Variants in ADAMTS3 observed in about 807,000 individuals in gnomAD.
ADAMTS3 encodes A disintegrin and metalloproteinase with thrombospondin motifs 3.
In ADAMTS3, 73 loss-of-function variants were observed where a neutral mutation model predicts 129.0. That is an observed-to-expected ratio of 0.57 (90% confidence interval 0.47 to 0.69). ADAMTS3 has a LOEUF of 0.69. Ranked by LOEUF, ADAMTS3 falls within the 30% of genes least tolerant of loss-of-function variation. ADAMTS3 has a pLI of 0.00. For missense variants in ADAMTS3, 1,457 were observed against 1,514.5 expected, an observed-to-expected ratio of 0.96 and a Z score of 0.63; for synonymous variants, 477 against 510.8, an observed-to-expected ratio of 0.93 and a Z score of 0.89.
At chr4:72,491,182 T>C (rs1719734051) in intron 3 of ADAMTS3, among the ~76,000 whole-genome samples, 1 of 151,850 alleles carries the variant, frequency 6.6e-6, no homozygotes. Context: ...TATGCAACCT[T>C]ACTGAATTCA....
intron 4 of ADAMTS3, among the ~76,000 whole-genome samples, chr4:72,349,457 C>T (rs1720370185): frequency 6.6e-6 from 1 of 151,984 alleles, no homozygotes; most frequent in African/African-American, 2.4e-5. Context: ...ATATAAAAGT[C>T]TAGTAACTTA....
chr4:72,438,974 A>G (rs1458068803), intron 3 of ADAMTS3, among the ~76,000 whole-genome samples: 1 of 151,776 alleles, frequency 6.6e-6, no homozygotes, highest in African/African-American at 2.4e-5. Context: ...CTGGCTACAT[A>G]GGTATCTATT....
In ADAMTS3 at chr4:72,313,661, A is replaced by T. The variant is rs752836272; in HGVS notation, c.1745+16T>A. The stretch of plus-strand genomic sequence containing the variant: ...GGTCTCTCCAAAAATAACAAGAGTT[A>T]CAAGGATATACTCACATGGGATTAT... On this transcript the variant is annotated intron_variant, in intron 12 of 21. Coordinates refer to ENST00000286657, the MANE Select transcript of ADAMTS3 (RefSeq NM_014243.3). 9.3e-6 allele frequency: 15 copies of T among 1,612,026 alleles called. No individual in the cohort carries two copies. In the South Asian group the frequency reaches 1.5e-4, roughly 17 times the overall value.
At chr4:72,285,870 G>C (rs549985028) in intron 21 of ADAMTS3, among the ~76,000 whole-genome samples, 1 of 151,554 alleles carries the variant, frequency 6.6e-6, no homozygotes, top group Non-Finnish European at 1.5e-5. Flanking sequence ...CAGACTTCTC[G>C]TTCCACCCCC....
chr4:72,520,909 T>A (rs1720652980), intron 3 of ADAMTS3, among the ~76,000 whole-genome samples: 1 of 152,064 alleles, frequency 6.6e-6, no homozygotes, highest in Admixed American at 6.5e-5. Context: ...CAGATGGAAA[T>A]GCAGAAATCA....
Position 72,283,836 on chromosome 4 carries a change from G to A in ADAMTS3, c.3050-132C>T, listed in dbSNP as rs145799849. 1.8e-3 allele frequency: 1,178 copies of A among 667,368 alleles called. 11 individuals are homozygous for A. The African/African-American group carries it at 0.019, about 11-fold the overall frequency. The allele number at this position is 667,368 out of a possible 1,614,324, so 41.3% of individuals were successfully genotyped here. A position where few individuals can be genotyped will look rare whatever the true frequency, so the allele number is the denominator to read the frequency against. On this transcript the variant is annotated intron_variant, in intron 21 of 21. Transcript: ENST00000286657. ...TGACACTAACGGGAGTGATCCACAC[G>A]AGCTTTTGCATTAAAAATATGAATA...
intron 4 of ADAMTS3, among the ~76,000 whole-genome samples, chr4:72,380,490 C>T (rs1578629964): frequency 6.6e-6 from 1 of 152,132 alleles, no homozygotes; most frequent in Admixed American, 6.5e-5. Flanking sequence ...ATTATGGCTG[C>T]AGTTTCAGAT....
At chr4:72,298,466 T>C (rs1050663908) in intron 17 of ADAMTS3, 24 bp from the exon 18 acceptor site, 38 of 1,543,036 alleles carry the variant, frequency 2.5e-5, no homozygotes, top group Non-Finnish European at 3.2e-5. Flanking sequence ...GAAATCAATA[T>C]GTAAATCACC....
intron 4 of ADAMTS3, among the ~76,000 whole-genome samples, chr4:72,354,511 T>G (rs1435097249): frequency 6.6e-6 from 1 of 152,032 alleles, no homozygotes; most frequent in Non-Finnish European, 1.5e-5. Flanking sequence ...TGCAAGATCT[T>G]GTTCTCGCCT....
At chr4:72,431,858 A>G (rs1381402024) in intron 3 of ADAMTS3, among the ~76,000 whole-genome samples, 1 of 152,028 alleles carries the variant, frequency 6.6e-6, no homozygotes, top group Non-Finnish European at 1.5e-5. Context: ...GAGCCCACGA[A>G]AAAATAGTAA....
chr4:72,345,975 G>A (rs902952548), intron 4 of ADAMTS3, among the ~76,000 whole-genome samples: 2 of 152,070 alleles, frequency 1.3e-5, no homozygotes, highest in Non-Finnish European at 2.9e-5. Context: ...ACTAGTTCAC[G>A]TAACAAGAGT....
At chr4:72,499,043 C>G (rs1234047768) in intron 3 of ADAMTS3, among the ~76,000 whole-genome samples, 4 of 152,078 alleles carry the variant, frequency 2.6e-5, no homozygotes, top group Admixed American at 2.0e-4. Flanking sequence ...CCTACAAGAC[C>G]TACCAAATTC....
Position 72,315,636 on chromosome 4 carries a change from G to T in ADAMTS3, c.1599+222C>A, listed in dbSNP as rs113322960. Reference sequence around the variant, plus strand: ...GACTTCTGGCCTCTAGAACTGTGAGGGAATAAATATCCATTGTTTCAAGCC... The same window carrying T: ...GACTTCTGGCCTCTAGAACTGTGAGTGAATAAATATCCATTGTTTCAAGCC... On this transcript the variant is annotated intron_variant, in intron 11 of 21. Coordinates refer to ENST00000286657, the MANE Select transcript of ADAMTS3 (RefSeq NM_014243.3). Among the ~76,000 whole-genome samples, 28 of 152,124 alleles carry T rather than the reference G, an allele frequency of 1.8e-4. 1 individual carries two copies. Among genetic ancestry groups the T allele is most frequent in the African/African-American group, 6.0e-4 (25 of 41,506 alleles).
intron 3 of ADAMTS3, among the ~76,000 whole-genome samples, chr4:72,505,956 CAA>C (rs892965577): frequency 4.1e-4 from 62 of 152,252 alleles, no homozygotes; most frequent in African/African-American, 1.3e-3. Context: ...CATCTCTGAA[CAA>C]AAAGAGTGGG....
At chr4:72,536,208 A>C (rs2109771347) in intron 3 of ADAMTS3, among the ~76,000 whole-genome samples, 1 of 152,316 alleles carries the variant, frequency 6.6e-6, no homozygotes, top group East Asian at 1.9e-4. Context: ...TATATGGTAG[A>C]GTTATATATA....
chr4:72,473,447 C>T (rs1719135564), intron 3 of ADAMTS3, among the ~76,000 whole-genome samples: 1 of 151,716 alleles, frequency 6.6e-6, no homozygotes, highest in African/African-American at 2.4e-5. Context: ...AATAACAAAG[C>T]CCTAAAAAAA....
chr4:72,526,422 T>C (rs573192543), intron 3 of ADAMTS3, among the ~76,000 whole-genome samples: 45 of 152,172 alleles, frequency 3.0e-4, no homozygotes, highest in African/African-American at 1.0e-3. Context: ...CATCTAGCTA[T>C]CCCATCTGGC....
chr4:72,322,782 C>T (rs1578581632), intron 6 of ADAMTS3, among the ~76,000 whole-genome samples: 1 of 152,122 alleles, frequency 6.6e-6, no homozygotes, highest in African/African-American at 2.4e-5. Context: ...TAATTATCTA[C>T]CTCTTTAGAC....
At position 72,295,687 on chromosome 4, in the gene ADAMTS3, C is replaced by T. The variant is rs1213099396; in HGVS notation, c.2690G>A (p.Arg897Gln). ...TGTACACTCTTGAATATTGCACATT[C>T]GTCTAATAGGTTTCGGCTTTTTGTT... Reference protein sequence around the residue: ...EANKKPKPIRRMCNIQECTHP... With the variant: ...EANKKPKPIRQMCNIQECTHP... The change falls in exon 19 of 22, where the codon CGA becomes CAA. Residue 897 changes from arginine (R) to glutamine (Q), a missense_variant. Arg to Gln is a conservative substitution (Grantham distance 43). Coordinates refer to ENST00000286657, the MANE Select transcript of ADAMTS3 (RefSeq NM_014243.3). 2.5e-6 allele frequency: 4 copies of T among 1,612,778 alleles called. No homozygotes were observed. Among genetic ancestry groups the T allele is most frequent in the African/African-American group, 1.3e-5 (1 of 74,982 alleles).
Sources: gnomAD v4.1 joint callset for allele counts (sites outside exome capture counted in the v4.1 genomes callset) on GRCh38, gnomAD v4.1.1 for gene constraint, MANE v1.5 for transcripts, NCBI Gene and HGNC (gene_info 2026-07-23, HGNC 2026-07-21) for gene names.